Variants in NXN observed in about 807,000 individuals in gnomAD.
NXN encodes the protein nucleoredoxin 1.
In NXN, 16 loss-of-function variants were observed where a neutral mutation model predicts 48.6. The observed-to-expected ratio is 0.33, with a 90% CI of 0.22 to 0.50. The LOEUF is 0.50. NXN is among the 20% of genes least tolerant of loss of function. NXN has a pLI of 0.98. For missense variants in NXN, 492 were observed against 605.5 expected, an observed-to-expected ratio of 0.81 and a Z score of 1.97; for synonymous variants, 281 against 269.6, an observed-to-expected ratio of 1.04 and a Z score of -0.41.
At chr17:843,284 A>G (rs900677279) in intron 1 of NXN, among the ~76,000 whole-genome samples, 3 of 152,206 alleles carry the variant, frequency 2.0e-5, no homozygotes, top group South Asian at 2.1e-4. Flanking sequence ...TGTAACACCA[A>G]TTAAGGAGGT....
At chr17:909,332 A>G (rs530190989) in intron 1 of NXN, among the ~76,000 whole-genome samples, 4 of 152,230 alleles carry the variant, frequency 2.6e-5, no homozygotes, top group African/African-American at 9.6e-5. Flanking sequence ...TGAAACAGAG[A>G]GATTTTATAT....
chr17:810,533 T>C (rs1347583698), intron 5 of NXN, among the ~76,000 whole-genome samples: 7 of 152,146 alleles, frequency 4.6e-5, no homozygotes, highest in Non-Finnish European at 7.4e-5. Context: ...CCAGAATCTG[T>C]TCCTCGGATC....
At chr17:838,123 C>CTTA (rs1196301886) in intron 1 of NXN, among the ~76,000 whole-genome samples, 41 of 125,968 alleles carry the variant, frequency 3.3e-4, no homozygotes, top group East Asian at 2.9e-3. Context: ...TTTTCCTTTC[C>CTTA]TTCTTTTTTT....
chr17:948,674 T>C (rs1422769978), intron 1 of NXN, among the ~76,000 whole-genome samples: 2 of 151,940 alleles, frequency 1.3e-5, no homozygotes, highest in Non-Finnish European at 1.5e-5. Flanking sequence ...AGGCAAAACC[T>C]AAGACAGCTG....
intron 1 of NXN, among the ~76,000 whole-genome samples, chr17:856,638 C>G (rs996510279): frequency 6.6e-6 from 1 of 151,722 alleles, no homozygotes; most frequent in Admixed American, 6.6e-5. Flanking sequence ...TTACAGGCAC[C>G]CACCACCATG....
intron 1 of NXN, among the ~76,000 whole-genome samples, chr17:914,060 C>A (rs2068661560): frequency 6.6e-6 from 1 of 152,228 alleles, no homozygotes; most frequent in East Asian, 1.9e-4. Flanking sequence ...CCACCACACC[C>A]AGCTAATTTT....
At chr17:836,527 C>A (rs750307281) in intron 1 of NXN, among the ~76,000 whole-genome samples, 1 of 152,168 alleles carries the variant, frequency 6.6e-6, no homozygotes, top group Non-Finnish European at 1.5e-5. Flanking sequence ...ACACTGAGAG[C>A]AGGAATCCCC....
At chr17:897,835 A>C (rs930238850) in intron 1 of NXN, among the ~76,000 whole-genome samples, 3 of 151,994 alleles carry the variant, frequency 2.0e-5, no homozygotes, top group Admixed American at 1.3e-4. Flanking sequence ...GCCACCACGC[A>C]TGGCTACTTT....
intron 5 of NXN, among the ~76,000 whole-genome samples, chr17:814,685 C>T (rs924040332): frequency 6.6e-6 from 1 of 152,348 alleles, no homozygotes; most frequent in East Asian, 1.9e-4. Flanking sequence ...TAGTGACTTC[C>T]CGTGGAGCTC....
intron 5 of NXN, among the ~76,000 whole-genome samples, chr17:810,766 G>A (rs913776814): frequency 2.0e-5 from 3 of 152,110 alleles, no homozygotes; most frequent in Non-Finnish European, 4.4e-5. Flanking sequence ...GCGCACCCCT[G>A]TACTCCCAGC....
intron 1 of NXN, chr17:959,018 G>A (rs572275299): frequency 4.4e-4 from 106 of 241,764 alleles, no homozygotes; most frequent in African/African-American, 1.5e-3. Flanking sequence ...GCGGATGTGC[G>A]CGGAGCCGAG....
chr17:912,169 A>G (rs2068642860), intron 1 of NXN, among the ~76,000 whole-genome samples: 2 of 151,806 alleles, frequency 1.3e-5, no homozygotes, highest in Admixed American at 6.6e-5. Context: ...AACTCCTAAC[A>G]TCAAGTGATC....
chr17:877,310 C>G (rs1312939585), intron 1 of NXN, among the ~76,000 whole-genome samples: 2 of 151,882 alleles, frequency 1.3e-5, no homozygotes, highest in African/African-American at 4.8e-5. Flanking sequence ...CCAAGCCCGG[C>G]TAATTTTTTG....
chr17:812,321 G>C (rs1912104959), intron 5 of NXN, among the ~76,000 whole-genome samples: 1 of 152,210 alleles, frequency 6.6e-6, no homozygotes, highest in African/African-American at 2.4e-5. Flanking sequence ...CTGCCCCAGT[G>C]TAAGTCCAAA....
intron 1 of NXN, among the ~76,000 whole-genome samples, chr17:960,081 G>A (rs1047686441): frequency 6.6e-6 from 1 of 151,932 alleles, no homozygotes; most frequent in African/African-American, 2.4e-5. Context: ...GACAGAGCGA[G>A]ACTCCATCTT....
chr17:904,685 A>T (rs1382968491), intron 1 of NXN, among the ~76,000 whole-genome samples: 2 of 152,150 alleles, frequency 1.3e-5, no homozygotes, highest in African/African-American at 4.8e-5. Context: ...CTGGGATTAC[A>T]GGCGCATGCA....
intron 1 of NXN, among the ~76,000 whole-genome samples, chr17:908,794 C>T (rs147012294): frequency 2.6e-5 from 4 of 152,114 alleles, no homozygotes; most frequent in East Asian, 1.9e-4. Context: ...CTGAAAACCA[C>T]GACTAGCACT....
At chr17:963,510 G>C (rs1001497838) in intron 1 of NXN, among the ~76,000 whole-genome samples, 2 of 152,148 alleles carry the variant, frequency 1.3e-5, no homozygotes, top group African/African-American at 4.8e-5. Flanking sequence ...GCTGAGGTGG[G>C]AGGATCGCTT....
chr17:899,119 A>G (rs7207030), intron 1 of NXN, among the ~76,000 whole-genome samples: 108,222 of 151,782 alleles, frequency 0.71, 39,735 homozygotes, highest in Middle Eastern at 0.87. Flanking sequence ...CACCATGCAC[A>G]GCTAATTTTT....
Sources: allele counts gnomAD v4.1 joint callset (sites outside exome capture counted in the v4.1 genomes callset), GRCh38; gene constraint gnomAD v4.1.1; transcripts MANE v1.5; gene names NCBI Gene and HGNC (gene_info 2026-07-23, HGNC 2026-07-21).